Variants in NEBL observed in about 807,000 individuals in gnomAD.
The protein encoded by NEBL is LIM and SH3 protein 2.
In NEBL, 122 loss-of-function variants were observed where a neutral mutation model predicts 140.2. The ratio of observed to expected loss-of-function variants is 0.87; its 90% CI spans 0.75 to 1.01. The LOEUF (loss-of-function observed/expected upper bound fraction) is 1.01. Ranked by LOEUF, NEBL falls within the 50% of genes least tolerant of loss-of-function variation. NEBL has a pLI of 0.00. For missense variants in NEBL, 1,365 were observed against 1,231.3 expected, an observed-to-expected ratio of 1.11 and a Z score of -1.62; for synonymous variants, 436 against 398.9, an observed-to-expected ratio of 1.09 and a Z score of -1.11.
In NEBL at chr10:20,852,060, T is replaced by A. The variant is rs940684494; in HGVS notation, c.1008+485A>T. ...AGTATGCTAGAGAGAAGATATTTTT[T>A]AAGTTTATTCAGGGGGTACCTAGAA... is the stretch of plus-strand genomic sequence containing the variant. On this transcript the variant is annotated intron_variant, in intron 10 of 27. Transcript: ENST00000377122. Among the ~76,000 whole-genome samples the A allele has an allele frequency of 5.9e-5, 9 of 152,286 alleles. No homozygotes were observed. In the East Asian group the frequency reaches 7.7e-4, roughly 13 times the overall value.
chr10:21,190,081 A>C (rs992470472), intron 3 of NEBL, among the ~76,000 whole-genome samples: 1 of 152,188 alleles, frequency 6.6e-6, no homozygotes, highest in South Asian at 2.1e-4. Context: ...AAATTCTTCA[A>C]GTGCTAGGAT....
Position 21,014,449 on chromosome 10 carries a change from A to C in NEBL, c.249+5668T>G, listed in dbSNP as rs141089714. On this transcript the variant is annotated intron_variant, in intron 3 of 6. Transcript: ENST00000417816. ...TTTAGGTCAAGTTTAAGATTGGGCA[A>C]TCATACAGAGTGGGATTTGAAACTT... is the stretch of plus-strand genomic sequence containing the variant. 4.3e-3 allele frequency among the ~76,000 whole-genome samples: 658 copies of C among 152,318 alleles called. 5 individuals carry two copies. The highest frequency in any genetic ancestry group is 8.4e-3 in the Admixed American group (128 of 15,296).
intron 3 of NEBL, among the ~76,000 whole-genome samples, chr10:21,247,557 A>C (rs1055705411): frequency 6.6e-6 from 1 of 152,164 alleles, no homozygotes; most frequent in African/African-American, 2.4e-5. Context: ...TTTTCACCTC[A>C]TCATCCTCAG....
intron 3 of NEBL, among the ~76,000 whole-genome samples, chr10:20,996,253 G>C (rs1396197663): frequency 6.6e-6 from 1 of 152,178 alleles, no homozygotes; most frequent in Non-Finnish European, 1.5e-5. Flanking sequence ...TTCCCCAGGG[G>C]GTAGGGCAAA....
chr10:20,813,884 C>T, intron 23 of NEBL, 55 bp downstream of exon 23: 1 of 1,105,204 alleles, frequency 9.0e-7, no homozygotes, highest in Non-Finnish European at 1.4e-6. Context: ...GCCATCCGTG[C>T]ACTGGATCCG....
intron 13 of NEBL, among the ~76,000 whole-genome samples, chr10:20,839,010 C>A (rs1302763093): frequency 1.3e-5 from 2 of 152,150 alleles, no homozygotes; most frequent in African/African-American, 4.8e-5. Flanking sequence ...TTAGAGTGGT[C>A]TGGAACCGAA....
rs1471206355 is a variant in NEBL, at chr10:20,937,641, C to CG, written c.357+24030_357+24031insC. On this transcript the variant is annotated intron_variant, in intron 4 of 6. Transcript: ENST00000417816. ...AAGCGTGAGCTGAAGCAGGGTGAGG[C>CG]ATCGCCTCACCCAGGATGCACAAGG... 1.4e-4 allele frequency among the ~76,000 whole-genome samples: 21 copies of CG among 152,286 alleles called. No homozygotes were observed. The South Asian group carries it at 4.4e-3, about 32-fold the overall frequency.
intron 2 of NEBL, among the ~76,000 whole-genome samples, chr10:21,147,721 A>G (rs189600120): frequency 9.8e-5 from 15 of 152,310 alleles, no homozygotes; most frequent in African/African-American, 3.4e-4. Flanking sequence ...ACCTGTCCAG[A>G]ACATTCTATC....
upstream of NEBL, among the ~76,000 whole-genome samples, chr10:21,176,145 G>A (rs1589316155): frequency 6.6e-6 from 1 of 152,070 alleles, no homozygotes; most frequent in Non-Finnish European, 1.5e-5. Context: ...TGCGACCACA[G>A]GCATATGCCA....
chr10:21,264,281 T>C (rs1251638933), intron 1 of NEBL, among the ~76,000 whole-genome samples: 1 of 152,140 alleles, frequency 6.6e-6, no homozygotes, highest in East Asian at 1.9e-4. Context: ...AGAGCATCTC[T>C]CATCTGCCCC....
chr10:21,200,999 T>C (rs1841726373), intron 3 of NEBL, among the ~76,000 whole-genome samples: 1 of 151,740 alleles, frequency 6.6e-6, no homozygotes, highest in Non-Finnish European at 1.5e-5. Flanking sequence ...GAGGATTGCT[T>C]GAGCCCAGGA....
intron 2 of NEBL, among the ~76,000 whole-genome samples, chr10:21,034,486 G>C (rs528753268): frequency 3.2e-4 from 49 of 152,282 alleles, no homozygotes; most frequent in African/African-American, 1.2e-3. Context: ...CCTGTTGCCA[G>C]ACATCCTAGA....
At chr10:20,838,938 A>G in intron 13 of NEBL, among the ~76,000 whole-genome samples, 1 of 152,204 alleles carries the variant, frequency 6.6e-6, no homozygotes, top group East Asian at 1.9e-4. Context: ...TAAACATAAC[A>G]TGTATATGTA....
At chr10:20,806,341 G>A (rs898580778) in intron 26 of NEBL, among the ~76,000 whole-genome samples, 8 of 152,106 alleles carry the variant, frequency 5.3e-5, no homozygotes, top group Non-Finnish European at 1.0e-4. Context: ...AACTGACCTC[G>A]GGTGCGGCCT....
At chr10:21,103,696 T>C in intron 2 of NEBL, among the ~76,000 whole-genome samples, 1 of 152,122 alleles carries the variant, frequency 6.6e-6, no homozygotes, top group East Asian at 1.9e-4. Flanking sequence ...TATATATGTG[T>C]GATACATATT....
At chr10:21,005,351 C>A (rs1838094027) in intron 3 of NEBL, among the ~76,000 whole-genome samples, 1 of 152,140 alleles carries the variant, frequency 6.6e-6, no homozygotes, top group African/African-American at 2.4e-5. Context: ...AGATTAGTCC[C>A]CAGCAGCCTG....
intron 26 of NEBL, among the ~76,000 whole-genome samples, chr10:20,801,886 C>A (rs374163745): frequency 6.6e-6 from 1 of 152,282 alleles, no homozygotes; most frequent in African/African-American, 2.4e-5. Flanking sequence ...CTACAAAATT[C>A]AGAAACTTAC....
At chr10:21,240,576 G>A (rs1171991969) in intron 3 of NEBL, among the ~76,000 whole-genome samples, 5 of 151,882 alleles carry the variant, frequency 3.3e-5, no homozygotes, top group African/African-American at 7.3e-5. Context: ...CCAAAATCGC[G>A]CTACTGCACT....
intron 4 of NEBL, among the ~76,000 whole-genome samples, chr10:20,929,897 C>A (rs1416663434): frequency 6.6e-6 from 1 of 152,050 alleles, no homozygotes; most frequent in Non-Finnish European, 1.5e-5. Flanking sequence ...CAAAACTGCA[C>A]CTGTACCTTC....
Sources: gnomAD v4.1 joint callset for allele counts (sites outside exome capture counted in the v4.1 genomes callset) on GRCh38, gnomAD v4.1.1 for gene constraint, MANE v1.5 for transcripts, NCBI Gene and HGNC (gene_info 2026-07-23, HGNC 2026-07-21) for gene names.